CHD2: variants seen among roughly 807,000 people sequenced by gnomAD.
CHD2 encodes chromodomain helicase DNA binding protein 2.
Under a neutral mutation model 243.9 loss-of-function variants are expected in CHD2, and 28 were observed. That is an observed-to-expected ratio of 0.11 (90% CI 0.09 to 0.16). CHD2 has a LOEUF of 0.16. Among genes scored for constraint, CHD2 ranks in the 10% least tolerant of loss-of-function variants. CHD2 has a pLI of 1.00. For missense variants in CHD2, 1,386 were observed against 2,209.8 expected (o/e 0.63, Z 7.47); for synonymous variants, 775 against 779.0 (o/e 0.99, Z 0.09).
intron 2 of CHD2, among the ~76,000 whole-genome samples, chr15:92,903,736 G>A (rs112460356): frequency 6.6e-6 from 1 of 152,326 alleles, no homozygotes. Context: ...AAACGGGACT[G>A]TGTGCACACA....
At chr15:93,022,353 C>G (rs551432640) in intron 38 of CHD2, among the ~76,000 whole-genome samples, 57 of 152,270 alleles carry the variant, frequency 3.7e-4, no homozygotes, top group Admixed American at 7.2e-4. Flanking sequence ...ACTCAGAGAA[C>G]TCACTCATTA....
At chr15:92,952,562 G>C (rs1000306291) in intron 13 of CHD2, among the ~76,000 whole-genome samples, 1 of 151,974 alleles carries the variant, frequency 6.6e-6, no homozygotes, top group Non-Finnish European at 1.5e-5. Context: ...GTTCATAGTG[G>C]GGTTCATGCT....
intron 23 of CHD2, among the ~76,000 whole-genome samples, 199 bp from the exon 24 acceptor site, chr15:92,981,166 C>T (rs1051789002): frequency 1.3e-5 from 2 of 151,950 alleles, no homozygotes; most frequent in Admixed American, 6.5e-5. Flanking sequence ...GAAGTTTCAC[C>T]TTGTCATTTG....
At chr15:92,937,661 G>A (rs755343608) in intron 6 of CHD2, 36 bp downstream of exon 6, 28 of 1,420,216 alleles carry the variant, frequency 2.0e-5, no homozygotes, top group Non-Finnish European at 2.8e-5. Context: ...CTTGGGATGA[G>A]CTTAATCTGC....
chr15:92,906,641 A>C lies in CHD2; in HGVS notation c.62+5342A>C, dbSNP rs1269963562. On this transcript the variant is annotated intron_variant, in intron 2 of 38. Transcript: ENST00000394196. ...AGTGACTGCTCTGTGTCAGCCATTA[A>C]ATTTTTTCTTGCTATGAGCCATCTT... is the stretch of plus-strand genomic sequence containing the variant. Among the ~76,000 whole-genome samples, 3 of 147,724 alleles carry C rather than the reference A, an allele frequency of 2.0e-5. No individual in the cohort carries two copies. The East Asian group carries it at 6.1e-4, about 30-fold the overall frequency.
chr15:92,942,782 G>T, intron 8 of CHD2, 61 bp from the exon 9 acceptor site: 1 of 1,336,182 alleles, frequency 7.5e-7, no homozygotes. Context: ...TGCATTCTTG[G>T]GAAGCTTTTT....
intron 33 of CHD2, among the ~76,000 whole-genome samples, chr15:93,004,221 T>C (rs1596451762): frequency 6.6e-6 from 1 of 152,024 alleles, no homozygotes; most frequent in Non-Finnish European, 1.5e-5. Flanking sequence ...TCATTTACAA[T>C]AATGTAGTTA....
At chr15:93,016,731 A>T (rs994788126) in intron 37 of CHD2, among the ~76,000 whole-genome samples, 3 of 142,174 alleles carry the variant, frequency 2.1e-5, no homozygotes, top group Non-Finnish European at 4.6e-5. Flanking sequence ...GCGGTGAGCC[A>T]GGATTGCACC....
chr15:92,965,176 A>C (rs2053740390), intron 16 of CHD2: 1 of 152,198 alleles, frequency 6.6e-6, no homozygotes. Context: ...TGGTGTCTTT[A>C]TACATCACCA....
intron 20 of CHD2, among the ~76,000 whole-genome samples, chr15:92,975,352 A>G (rs1055851666): frequency 6.6e-6 from 1 of 152,240 alleles, no homozygotes; most frequent in African/African-American, 2.4e-5. Context: ...CTTCTGATAC[A>G]GTGTGGCTTA....
intron 28 of CHD2, among the ~76,000 whole-genome samples, chr15:92,996,012 A>C (rs766923523): frequency 6.6e-6 from 1 of 152,080 alleles, no homozygotes; most frequent in African/African-American, 2.4e-5. Context: ...TAAAGTGTCT[A>C]TTCATGTGTG....
chr15:92,927,093 A>G (rs957256520), intron 3 of CHD2, 151 bp from the exon 4 acceptor site: 2 of 605,752 alleles, frequency 3.3e-6, no homozygotes, highest in Non-Finnish European at 5.9e-6. Context: ...CTATTTTAAA[A>G]AAAATGGCGC....
chr15:92,965,004 A>G (rs1378292226), intron 16 of CHD2, among the ~76,000 whole-genome samples: 1 of 152,072 alleles, frequency 6.6e-6, no homozygotes, highest in Non-Finnish European at 1.5e-5. Flanking sequence ...CTTTGGTTTA[A>G]TTTCCGTTGT....
chr15:93,024,033 C>T (rs1279086020), intron 38 of CHD2, among the ~76,000 whole-genome samples: 1 of 152,044 alleles, frequency 6.6e-6, no homozygotes, highest in Non-Finnish European at 1.5e-5. Context: ...TAATAACTTA[C>T]AAAATAATTT....
intron 2 of CHD2, among the ~76,000 whole-genome samples, chr15:92,919,735 T>G (rs1329145926): frequency 6.6e-6 from 1 of 152,192 alleles, no homozygotes; most frequent in Non-Finnish European, 1.5e-5. Flanking sequence ...TTGCTGGTTT[T>G]GTGTAGGGTG....
intron 38 of CHD2, chr15:93,020,570 C>G: frequency 1.8e-6 from 1 of 544,210 alleles, no homozygotes; most frequent in Non-Finnish European, 3.3e-6. Context: ...CTGTCAGCCA[C>G]ACTAGGTATC....
At chr15:93,023,783 A>T (rs943703481) in intron 38 of CHD2, among the ~76,000 whole-genome samples, 5 of 151,000 alleles carry the variant, frequency 3.3e-5, no homozygotes, top group Non-Finnish European at 7.4e-5. Context: ...GCATCTTCTC[A>T]TGGTTTTTTT....
At chr15:92,946,321 C>A in intron 12 of CHD2, 105 bp downstream of exon 12, 4 of 887,594 alleles carry the variant, frequency 4.5e-6, no homozygotes, top group South Asian at 3.5e-5. Flanking sequence ...ATGATGATTG[C>A]CATTTTGAAG....
intron 7 of CHD2, 65 bp from the exon 8 acceptor site, chr15:92,941,757 T>C: frequency 6.7e-7 from 1 of 1,498,854 alleles, no homozygotes. Flanking sequence ...CTAGTGACGG[T>C]TATGTGTGGC....
Sources: gnomAD v4.1 joint callset for allele counts (sites outside exome capture counted in the v4.1 genomes callset) on GRCh38, gnomAD v4.1.1 for gene constraint, MANE v1.5 for transcripts, NCBI Gene and HGNC (gene_info 2026-07-23, HGNC 2026-07-21) for gene names.